The following SLC29A4 variants were observed in gnomAD, a reference collection of about 807,000 sequenced individuals.
The protein encoded by SLC29A4 is equilibrative nucleoside transporter 4.
Under a neutral mutation model 43.9 loss-of-function variants are expected in SLC29A4, and 36 were observed. That is an observed-to-expected ratio of 0.82 (90% CI 0.63 to 1.08). SLC29A4 has a LOEUF of 1.08. Among genes scored for constraint, SLC29A4 ranks in the 50% least tolerant of loss-of-function variants. The pLI is 0.00. For missense variants in SLC29A4, 869 were observed against 755.3 expected, an observed-to-expected ratio of 1.15 and a Z score of -1.77; for synonymous variants, 491 against 338.0, an observed-to-expected ratio of 1.45 and a Z score of -4.97.
At chr7:5,295,430 C>T (rs1342325093) in intron 6 of SLC29A4, among the ~76,000 whole-genome samples, 3 of 152,168 alleles carry the variant, frequency 2.0e-5, no homozygotes, top group Admixed American at 6.5e-5. Context: ...CTGCCAATCA[C>T]ACCCACCCCT....
At chr7:5,301,444 A>AG (rs1786157705) in intron 10 of SLC29A4, among the ~76,000 whole-genome samples, 1 of 152,096 alleles carries the variant, frequency 6.6e-6, no homozygotes, top group Non-Finnish European at 1.5e-5. Context: ...AAAGACCTGG[A>AG]GGAGGTAGCA....
chr7:5,294,728 A>G, intron 5 of SLC29A4, 132 bp from the exon 6 acceptor site: 1 of 884,414 alleles, frequency 1.1e-6, no homozygotes. Flanking sequence ...TGCGTGTCAA[A>G]TCTCTCTGCC....
intron 5 of SLC29A4, among the ~76,000 whole-genome samples, 170 bp from the exon 6 acceptor site, chr7:5,294,690 A>G (rs6948544): frequency 0.59 from 89,146 of 152,000 alleles, 26,923 homozygotes; most frequent in South Asian, 0.75. Context: ...GCTGACCCCA[A>G]GGGTACACTG....
Position 5,302,100 on chromosome 7 carries a change from C to G in SLC29A4, c.1451-697C>G, listed in dbSNP as rs1001387991. On this transcript the variant is annotated intron_variant, in intron 10 of 10. Coordinates refer to ENST00000396872, the MANE Select transcript of SLC29A4 (RefSeq NM_153247.4). ...TGAGTAGCTGGGATTATGGATGCCC[C>G]CCACCATACCTGGCGAATGTTTGTA... Among the ~76,000 whole-genome samples, 6 of 152,224 alleles carry G rather than the reference C, an allele frequency of 3.9e-5. No individual in the cohort carries two copies. In the South Asian group the frequency reaches 8.3e-4, roughly 21 times the overall value.
At chr7:5,290,051 A>ACTTT (rs1562443470) in intron 2 of SLC29A4, among the ~76,000 whole-genome samples, 6 of 69,114 alleles carry the variant, frequency 8.7e-5, no homozygotes, top group African/African-American at 2.2e-4. Context: ...ATGCCCAGCT[A>ACTTT]ATTTTTTTTT....
Position 5,297,183 on chromosome 7 carries a change from C to G in SLC29A4, c.867C>G (p.Ala289=), listed in dbSNP as rs144264123. The G allele has an allele frequency of 5.7e-4, 910 of 1,589,976 alleles. No individual in the cohort carries two copies. Among genetic ancestry groups the G allele is most frequent in the Non-Finnish European group, 7.1e-4 (828 of 1,173,146 alleles). The part of the protein sequence containing the change: ...YGYRVHHDVV[A]GDVHFEHPAP... ...ACCGCGTGCACCACGACGTTGTCGCCGGGGACGTCCACTTCGTAAGTGCGC... is the reference window on the plus strand; with the variant it reads ...ACCGCGTGCACCACGACGTTGTCGCGGGGGACGTCCACTTCGTAAGTGCGC... Residue 289 remains alanine (A), a synonymous_variant, in exon 7 of 11, where the codon GCC becomes GCG. Coordinates refer to ENST00000396872, the MANE Select transcript of SLC29A4 (RefSeq NM_153247.4).
intron 10 of SLC29A4, 135 bp downstream of exon 10, chr7:5,300,797 C>A: frequency 8.1e-7 from 1 of 1,237,480 alleles, no homozygotes; most frequent in Non-Finnish European, 1.1e-6. Context: ...TCTGGGAGGC[C>A]GTAGGTGTGG....
Position 5,299,379 on chromosome 7 carries a change from G to A in SLC29A4, c.1161G>A (p.Leu387=), listed in dbSNP as rs767184078. 8.1e-6 allele frequency: 13 copies of A among 1,612,348 alleles called. 1 individual carries two copies. The East Asian group carries it at 2.7e-4, about 33-fold the overall frequency. The change falls in exon 9 of 11, where the codon CTG becomes CTA. Residue 387 remains leucine (L), a synonymous_variant. Coordinates refer to ENST00000396872, the MANE Select transcript of SLC29A4 (RefSeq NM_153247.4). ...EIRHCILGEW[L]PILIMAVFNL... is the part of the protein sequence containing the mutation. ...GCCACTGCATCCTGGGCGAGTGGCT[G>A]CCCATCCTCATCATGGCTGTGTTCA...
chr7:5,303,290 C>T lies in SLC29A4; in HGVS notation c.*351C>T, dbSNP rs1341426420. On this transcript the variant is annotated 3_prime_UTR_variant, in exon 11 of 11. Transcript: ENST00000396872. The stretch of plus-strand genomic sequence containing the variant: ...GTCCCCACCCAGGACAGCAGACACC[C>T]GCCAGAGTGTGCGCGCCCAGTGACT... 11 of 360,510 alleles carry T rather than the reference C, an allele frequency of 3.1e-5. No homozygotes were observed. The highest frequency in any genetic ancestry group is 1.2e-4 in the South Asian group (4 of 34,542). 22.3% of individuals were successfully genotyped at this position (360,510 alleles called of 1,614,324 possible). A position where few individuals can be genotyped will look rare whatever the true frequency, so the allele number is the denominator to read the frequency against.
At position 5,299,251 on chromosome 7, in the gene SLC29A4, C is replaced by T. The variant is rs761982892; in HGVS notation, c.1033C>T (p.His345Tyr). 2 of 1,611,840 alleles carry T rather than the reference C, an allele frequency of 1.2e-6. No homozygotes were observed. Among genetic ancestry groups the T allele is most frequent in the East Asian group, 4.5e-5 (2 of 44,866 alleles). ...CCGCCACCCTCCAGCCCTGTTACTG[C>T]ACCGCTACGTGGTGGCGCGGGTGAT... ...SWPTFRALLL[H>Y]RYVVARVIWA... The change falls in exon 9 of 11, where the codon CAC (histidine) becomes TAC (tyrosine). Residue 345 changes from histidine (H) to tyrosine (Y), a missense_variant. Coordinates refer to ENST00000396872, the MANE Select transcript of SLC29A4 (RefSeq NM_153247.4).
Position 5,305,576 on chromosome 7 carries a change from T to TG in SLC29A4, c.*2639dup, listed in dbSNP as rs5882051. The TG allele has an allele frequency of 6.7e-6, 1 of 148,730 alleles. No individual in the cohort carries two copies. Among genetic ancestry groups the TG allele is most frequent in the Non-Finnish European group, 1.5e-5 (1 of 67,450 alleles). 9.2% of individuals were successfully genotyped at this position (148,730 alleles called of 1,614,324 possible). On this transcript the variant is annotated 3_prime_UTR_variant, in exon 11 of 11. Coordinates refer to ENST00000396872, the MANE Select transcript of SLC29A4 (RefSeq NM_153247.4). ...GCTTTGCTTTTTTTTTTTTTTTTTT[T>TG]GGAGGAGTTTCGCTTTTGTTGCCCA...
chr7:5,301,877 C>A (rs922302833), intron 10 of SLC29A4, among the ~76,000 whole-genome samples: 1 of 152,152 alleles, frequency 6.6e-6, no homozygotes, highest in Non-Finnish European at 1.5e-5. Flanking sequence ...GGGTTTGGGA[C>A]TTGGTACGTT....
rs1051447814 is a variant in SLC29A4 at position 5,305,069 on chromosome 7, GC to G, written c.*2132del. ...GGCCTCAAGTGTTCCCCCTGCCTTG[GC>G]CTCCCAAAGTGCCAGGATTACAGGT... On this transcript the variant is annotated 3_prime_UTR_variant, in exon 11 of 11. Transcript: ENST00000396872. The G allele has an allele frequency of 1.3e-5, 2 of 152,230 alleles. No homozygotes were observed. The highest frequency in any genetic ancestry group is 4.8e-5 in the African/African-American group (2 of 41,458). The allele number at this position is 152,230 out of a possible 1,614,324, so 9.4% of individuals were successfully genotyped here. A position where few individuals can be genotyped will look rare whatever the true frequency, so the allele number is the denominator to read the frequency against.
chr7:5,297,476 G>C (rs954590682), intron 7 of SLC29A4, among the ~76,000 whole-genome samples: 3 of 152,222 alleles, frequency 2.0e-5, no homozygotes, highest in African/African-American at 7.2e-5. Context: ...CGTGGGGCGT[G>C]CATGGCCCCT....
At chr7:5,294,631 G>GT (rs529806473) in intron 5 of SLC29A4, among the ~76,000 whole-genome samples, 3 of 152,284 alleles carry the variant, frequency 2.0e-5, no homozygotes, top group African/African-American at 7.2e-5. Flanking sequence ...CAGTAGTGAC[G>GT]TGTCATTTCT....
intron 2 of SLC29A4, among the ~76,000 whole-genome samples, chr7:5,290,251 G>A (rs1315173622): frequency 6.6e-6 from 1 of 152,150 alleles, no homozygotes; most frequent in Non-Finnish European, 1.5e-5. Flanking sequence ...TTTTAGTAGA[G>A]ATGGGGTTTC....
At chr7:5,295,931 G>A (rs1199018226) in intron 6 of SLC29A4, among the ~76,000 whole-genome samples, 1 of 144,792 alleles carries the variant, frequency 6.9e-6, no homozygotes, top group African/African-American at 2.5e-5. Context: ...CACCCTCACG[G>A]GGTGGCCCAC....
At position 5,283,019 on chromosome 7, in the gene SLC29A4, C is replaced by G. The variant is rs1349166055; in HGVS notation, c.-72C>G. 6.2e-5 allele frequency: 5 copies of G among 80,486 alleles called. No individual in the cohort carries two copies. Among genetic ancestry groups the G allele is most frequent in the African/African-American group, 5.0e-5 (1 of 20,188 alleles). The allele number at this position is 80,486 out of a possible 1,614,324, so 5.0% of individuals were successfully genotyped here. On this transcript the variant is annotated 5_prime_UTR_variant, in exon 1 of 11. Transcript: ENST00000396872. Reference sequence around the variant, plus strand: ...CGGAGGACGCCGGGCGCGCCCGGCCCGAGGCTGGGGGAGCGGGGCGGCGTG... The same window carrying G: ...CGGAGGACGCCGGGCGCGCCCGGCCGGAGGCTGGGGGAGCGGGGCGGCGTG...
Position 5,303,160 on chromosome 7 carries a change from A to G in SLC29A4, c.*221A>G. ...GTTTCTGCGACCCGGGGCTCTGGCC[A>G]GCACTGTGTTCTGCGTTTGGTCTCA... On this transcript the variant is annotated 3_prime_UTR_variant, in exon 11 of 11. Transcript: ENST00000396872. 1.6e-6 allele frequency: 1 copy of G among 611,594 alleles called. No individual in the cohort carries two copies. The allele number at this position is 611,594 out of a possible 1,614,324, so 37.9% of individuals were successfully genotyped here.
Sources: allele counts gnomAD v4.1 joint callset (sites outside exome capture counted in the v4.1 genomes callset), GRCh38; gene constraint gnomAD v4.1.1; transcripts MANE v1.5; gene names NCBI Gene and HGNC (gene_info 2026-07-23, HGNC 2026-07-21).